The following POLR3B variants were observed in gnomAD, a reference collection of about 807,000 sequenced individuals.
POLR3B encodes the protein DNA-directed RNA polymerase III subunit RPC2.
In POLR3B, 96 loss-of-function variants were observed where a neutral mutation model predicts 147.4. The observed-to-expected ratio is 0.65, with a 90% confidence interval of 0.55 to 0.77. The LOEUF (loss-of-function observed/expected upper bound fraction) is 0.77, where lower values mean the gene tolerates loss of function less well. Among genes scored for constraint, POLR3B ranks in the 30% least tolerant of loss-of-function variants. The pLI, the probability that POLR3B is intolerant of heterozygous loss-of-function variation, is 0.00. For synonymous variants in POLR3B, 461 were observed against 485.9 expected (o/e 0.95, Z 0.67); for missense variants, 1,036 against 1,413.5 (o/e 0.73, Z 4.28).
At chr12:106,462,276 C>G (rs2037949115) in intron 22 of POLR3B, among the ~76,000 whole-genome samples, 1 of 152,156 alleles carries the variant, frequency 6.6e-6, no homozygotes, top group Admixed American at 6.5e-5. Context: ...GAGACGGAGT[C>G]TCGCTCTATT....
chr12:106,383,460 C>CT (rs2036792649), intron 9 of POLR3B, among the ~76,000 whole-genome samples: 1 of 141,978 alleles, frequency 7.0e-6, no homozygotes, highest in African/African-American at 2.7e-5. Context: ...AGACATGCAA[C>CT]CCTTTTTTTT....
At position 106,376,457 on chromosome 12, in the gene POLR3B, G is replaced by T; in HGVS notation, c.496+7G>T. On this transcript the variant is annotated splice_region_variant and intron_variant, in intron 7 of 27. Coordinates refer to ENST00000228347, the MANE Select transcript of POLR3B (RefSeq NM_018082.6). ...GAATGTCCCTTAGATCCAGGTATGT[G>T]TGAAGTCTTGGATTTGTCCCACTTT... 6.3e-7 allele frequency: 1 copy of T among 1,588,196 alleles called. No individual in the cohort carries two copies.
At chr12:106,372,429 C>T (rs1430365716) in intron 6 of POLR3B, among the ~76,000 whole-genome samples, 1 of 151,584 alleles carries the variant, frequency 6.6e-6, no homozygotes, top group South Asian at 2.1e-4. Flanking sequence ...CCTCCGCCCC[C>T]CAGGTTCAAG....
At chr12:106,359,795 T>G (rs1271863581) in intron 1 of POLR3B, among the ~76,000 whole-genome samples, 6 of 152,226 alleles carry the variant, frequency 3.9e-5, no homozygotes, top group Admixed American at 2.6e-4. Context: ...CCAAAGATGT[T>G]AAGTAAATAG....
At chr12:106,413,872 T>C (rs542127445) in intron 12 of POLR3B, among the ~76,000 whole-genome samples, 3 of 152,192 alleles carry the variant, frequency 2.0e-5, no homozygotes, top group African/African-American at 7.2e-5. Context: ...TGTTCAGTAA[T>C]TGAGTTTTTT....
At chr12:106,499,233 A>G (rs996588847) in intron 25 of POLR3B, among the ~76,000 whole-genome samples, 2 of 152,176 alleles carry the variant, frequency 1.3e-5, no homozygotes, top group African/African-American at 2.4e-5. Flanking sequence ...AATAAGGCAC[A>G]TTTTTGGCCA....
chr12:106,373,679 G>C (rs770090984), intron 6 of POLR3B, among the ~76,000 whole-genome samples: 1 of 152,002 alleles, frequency 6.6e-6, no homozygotes, highest in East Asian at 1.9e-4. Flanking sequence ...GCTTGAACCC[G>C]GAAGGCGGAG....
intron 1 of POLR3B, among the ~76,000 whole-genome samples, chr12:106,363,027 C>T (rs183971979): frequency 2.4e-4 from 37 of 152,192 alleles, no homozygotes; most frequent in African/African-American, 7.7e-4. Context: ...AGGGGTCTGC[C>T]ACCTTCCCTG....
chr12:106,464,447 A>T (rs2037980189), intron 23 of POLR3B, among the ~76,000 whole-genome samples: 2 of 152,140 alleles, frequency 1.3e-5, no homozygotes, highest in Non-Finnish European at 2.9e-5. Flanking sequence ...ATAGATAAGG[A>T]AACAGAGGCA....
chr12:106,416,024 T>C (rs991231641), intron 12 of POLR3B, among the ~76,000 whole-genome samples: 6 of 152,220 alleles, frequency 3.9e-5, no homozygotes, highest in Non-Finnish European at 8.8e-5. Flanking sequence ...TTCAGGACTC[T>C]GTGAATTTAT....
At chr12:106,362,834 T>A (rs55689816) in intron 1 of POLR3B, among the ~76,000 whole-genome samples, 34,448 of 151,928 alleles carry the variant, frequency 0.23, 4,225 homozygotes, top group African/African-American at 0.3. Flanking sequence ...GTAATTTATA[T>A]AATAAAATGT....
At chr12:106,421,090 G>A (rs1366076310) in intron 12 of POLR3B, among the ~76,000 whole-genome samples, 1 of 151,924 alleles carries the variant, frequency 6.6e-6, no homozygotes, top group East Asian at 1.9e-4. Flanking sequence ...ACATTAAGAT[G>A]TGTCTATATT....
At position 106,361,597 on chromosome 12, in the gene POLR3B, C is replaced by T. The variant is rs371460664; in HGVS notation, c.73-2273C>T. ...TTTTATGTGCCAGGCACTGTGGTAA[C>T]AGGATAGACAGGGTCACTGCCCTTG... is the stretch of plus-strand genomic sequence containing the variant. On this transcript the variant is annotated intron_variant, in intron 1 of 27. Transcript: ENST00000228347. Among the ~76,000 whole-genome samples, 161 of 152,208 alleles carry T rather than the reference C, an allele frequency of 1.1e-3. 4 individuals carry two copies. In the East Asian group the frequency reaches 0.017, roughly 16 times the overall value.
chr12:106,377,998 G>A (rs1466368942), intron 7 of POLR3B, among the ~76,000 whole-genome samples: 2 of 152,158 alleles, frequency 1.3e-5, no homozygotes, highest in South Asian at 4.1e-4. Flanking sequence ...TGGGGCGGGC[G>A]AATCACTTGA....
intron 25 of POLR3B, 70 bp downstream of exon 25, chr12:106,496,988 A>G (rs764281496): frequency 1.4e-6 from 2 of 1,460,950 alleles, no homozygotes; most frequent in Non-Finnish European, 1.9e-6. Flanking sequence ...CAAAGCCTTA[A>G]GGTATACTCT....
At chr12:106,496,636 TATTA>T in intron 24 of POLR3B, 112 bp from the exon 25 acceptor site, 1 of 887,374 alleles carries the variant, frequency 1.1e-6, no homozygotes, top group Non-Finnish European at 1.8e-6. Flanking sequence ...ATACTGCTTC[TATTA>T]ATTTATTACT....
chr12:106,443,475 G>A (rs575949090), intron 18 of POLR3B, among the ~76,000 whole-genome samples: 23 of 152,124 alleles, frequency 1.5e-4, no homozygotes, highest in Non-Finnish European at 1.5e-5. Context: ...CAGTTATCTA[G>A]TGTCTAGTGG....
chr12:106,401,571 C>G (rs1009329183), intron 10 of POLR3B, among the ~76,000 whole-genome samples: 1 of 152,144 alleles, frequency 6.6e-6, no homozygotes, highest in Non-Finnish European at 1.5e-5. Flanking sequence ...CATTAAAATA[C>G]TGGCAAACCG....
intron 11 of POLR3B, among the ~76,000 whole-genome samples, chr12:106,409,161 G>T (rs1370012382): frequency 6.6e-6 from 1 of 152,084 alleles, no homozygotes; most frequent in Admixed American, 6.6e-5. Flanking sequence ...ACAACTAGAA[G>T]AGTTAGATGT....
Sources: gnomAD v4.1 joint callset for allele counts (sites outside exome capture counted in the v4.1 genomes callset) on GRCh38, gnomAD v4.1.1 for gene constraint, MANE v1.5 for transcripts, NCBI Gene and HGNC (gene_info 2026-07-23, HGNC 2026-07-21) for gene names.